Variants in WIPF1 observed in about 807,000 individuals in gnomAD.
WIPF1 encodes the protein WAS/WASL-interacting protein family member 1.
A neutral mutation model predicts 35.4 loss-of-function variants in WIPF1; 13 were observed. That is an observed-to-expected ratio of 0.37 (90% CI 0.24 to 0.58). WIPF1 has a LOEUF of 0.58. Among genes scored for constraint, WIPF1 ranks in the 20% least tolerant of loss-of-function variants. WIPF1 has a pLI of 0.74. For synonymous variants in WIPF1, 267 were observed against 266.3 expected, an observed-to-expected ratio of 1.00 and a Z score of -0.02; for missense variants, 591 against 667.0, an observed-to-expected ratio of 0.89 and a Z score of 1.25.
chr2:174,582,160 C>G (rs1422919551), intron 2 of WIPF1, among the ~76,000 whole-genome samples: 1 of 152,130 alleles, frequency 6.6e-6, no homozygotes, highest in Non-Finnish European at 1.5e-5. Context: ...ATGTTTAATT[C>G]TGATGAAAGC....
chr2:174,574,658 C>T (rs962847153), intron 4 of WIPF1: 4 of 540,180 alleles, frequency 7.4e-6, no homozygotes, highest in African/African-American at 5.7e-5. Flanking sequence ...ATAGACAATC[C>T]TGAAGGACTC....
At chr2:174,563,021 T>C (rs765009504) in intron 7 of WIPF1, among the ~76,000 whole-genome samples, 4 of 152,080 alleles carry the variant, frequency 2.6e-5, no homozygotes, top group Non-Finnish European at 4.4e-5. Flanking sequence ...AGTTTGAACA[T>C]CTTTCGAAGG....
intron 1 of WIPF1, among the ~76,000 whole-genome samples, chr2:174,589,168 A>G (rs748655207): frequency 6.6e-5 from 10 of 152,228 alleles, no homozygotes; most frequent in Non-Finnish European, 1.5e-4. Context: ...CGGCCACACC[A>G]GGCCCACTTC....
At chr2:174,562,728 G>A in intron 7 of WIPF1, 126 bp from the exon 8 acceptor site, 1 of 1,263,436 alleles carries the variant, frequency 7.9e-7, no homozygotes, top group South Asian at 1.4e-5. Context: ...CAGCTAACTG[G>A]CGTATGTTGT....
chr2:174,680,855 C>T (rs1253620386), intron 1 of WIPF1, among the ~76,000 whole-genome samples: 3 of 152,140 alleles, frequency 2.0e-5, no homozygotes, highest in Non-Finnish European at 4.4e-5. Flanking sequence ...CCTTCACACC[C>T]CATTATCCTA....
intron 7 of WIPF1, among the ~76,000 whole-genome samples, chr2:174,565,037 A>G (rs948842590): frequency 1.2e-4 from 18 of 151,952 alleles, no homozygotes; most frequent in African/African-American, 4.4e-4. Context: ...CTGGGATTAC[A>G]CGCATGCGCC....
intron 1 of WIPF1, among the ~76,000 whole-genome samples, chr2:174,679,237 G>A (rs1343073799): frequency 6.6e-6 from 1 of 152,134 alleles, no homozygotes; most frequent in African/African-American, 2.4e-5. Flanking sequence ...TTGGGAGGCC[G>A]AGATAGGCCG....
At chr2:174,619,177 G>A (rs1256018582) in intron 1 of WIPF1, among the ~76,000 whole-genome samples, 1 of 152,012 alleles carries the variant, frequency 6.6e-6, no homozygotes, top group African/African-American at 2.4e-5. Flanking sequence ...TCAAACTCTT[G>A]GGCTCAAGCA....
chr2:174,603,817 C>A (rs1484980737), intron 1 of WIPF1, among the ~76,000 whole-genome samples: 2 of 152,144 alleles, frequency 1.3e-5, no homozygotes, highest in Middle Eastern at 3.4e-3. Flanking sequence ...GGGGAGGGAC[C>A]CGATCATAAT....
intron 1 of WIPF1, among the ~76,000 whole-genome samples, chr2:174,668,302 C>A (rs1687934729): frequency 6.6e-6 from 1 of 152,232 alleles, no homozygotes; most frequent in Non-Finnish European, 1.5e-5. Flanking sequence ...CCTGACTTCT[C>A]CGGGGCTCTG....
chr2:174,674,670 A>T (rs754809457), intron 1 of WIPF1, among the ~76,000 whole-genome samples: 1 of 152,174 alleles, frequency 6.6e-6, no homozygotes, highest in Non-Finnish European at 1.5e-5. Flanking sequence ...AATTTTTTTA[A>T]TGTAGAGACA....
In WIPF1 at chr2:174,575,307, A is replaced by G; in HGVS notation, c.255T>C (p.Gly85=). The change falls in exon 4 of 8, where the codon GGT becomes GGC. Residue 85 remains glycine (G), a synonymous_variant. Coordinates refer to ENST00000679041, the MANE Select transcript of WIPF1 (RefSeq NM_001375834.1). The stretch of plus-strand genomic sequence containing the variant: ...CTCCAAAACTTCCACCGCCTCCGCC[A>G]CCACCTCCTCCGCCAAATCCGCCGC... The part of the protein sequence containing the change: ...GGGGGFGGGG[G]GGGGGSFGGG... The G allele has an allele frequency of 4.3e-6, 7 of 1,613,304 alleles. No individual in the cohort carries two copies. Among genetic ancestry groups the G allele is most frequent in the Non-Finnish European group, 5.9e-6 (7 of 1,179,734 alleles).
At chr2:174,629,950 A>C (rs536385844) in intron 1 of WIPF1, 2 of 152,162 alleles carry the variant, frequency 1.3e-5, no homozygotes, top group South Asian at 4.2e-4. Flanking sequence ...TTACTAGCAA[A>C]CCCCCCAAAT....
Position 174,571,636 on chromosome 2 carries a change from G to T in WIPF1, c.1129+40C>A. ...CAGGATTATTGGTACATTTGGGCAG[G>T]CTGGGTTTTGGAAGCAACTCACTCC... On this transcript the variant is annotated intron_variant, in intron 5 of 7. Transcript: ENST00000679041. The surrounding 1 kb of genome is among the most constrained non-coding windows in gnomAD (Gnocchi z 4.6). 6.2e-7 allele frequency: 1 copy of T among 1,613,592 alleles called. No homozygotes were observed. The highest frequency in any genetic ancestry group is 8.5e-7 in the Non-Finnish European group (1 of 1,179,632).
chr2:174,641,822 T>A (rs1474744563), intron 1 of WIPF1, among the ~76,000 whole-genome samples: 2 of 152,228 alleles, frequency 1.3e-5, no homozygotes, highest in African/African-American at 4.8e-5. Context: ...AGCTGAGTGC[T>A]TTATATACAT....
intron 3 of WIPF1, among the ~76,000 whole-genome samples, chr2:174,579,639 C>T (rs1685173125): frequency 6.6e-6 from 1 of 152,214 alleles, no homozygotes. Flanking sequence ...GAAGGACTAA[C>T]ACTATTTCCA....
chr2:174,665,927 C>G (rs1196856295), intron 1 of WIPF1, among the ~76,000 whole-genome samples: 1 of 152,204 alleles, frequency 6.6e-6, no homozygotes, highest in East Asian at 1.9e-4. Context: ...GAGCATGCTT[C>G]TTTTGCTGTT....
At chr2:174,680,320 T>C (rs1387133966) in intron 1 of WIPF1, among the ~76,000 whole-genome samples, 1 of 152,106 alleles carries the variant, frequency 6.6e-6, no homozygotes, top group East Asian at 1.9e-4. Context: ...TCGACGTGGG[T>C]CCCTGCTAGC....
intron 1 of WIPF1, among the ~76,000 whole-genome samples, chr2:174,586,552 G>A (rs1421364941): frequency 6.6e-6 from 1 of 152,102 alleles, no homozygotes. Context: ...CCAGGGCCAG[G>A]AGAGACGATG....
Sources: gnomAD v4.1 joint callset for allele counts (sites outside exome capture counted in the v4.1 genomes callset) on GRCh38, gnomAD v4.1.1 for gene constraint, Gnocchi (gnomAD v3.1) non-coding constraint, MANE v1.5 for transcripts, NCBI Gene and HGNC (gene_info 2026-07-23, HGNC 2026-07-21) for gene names.